The following FAAH2 variants were observed in gnomAD, a reference collection of about 807,000 sequenced individuals.
FAAH2 encodes the protein fatty acid amide hydrolase 2, also known as fatty-acid amide hydrolase 2.
A neutral mutation model predicts 36.9 loss-of-function variants in FAAH2; 60 were observed. The observed-to-expected ratio is 1.63, with a 90% confidence interval of 1.32 to 2.02. The LOEUF is 2.02. FAAH2 is among the 30% of genes most tolerant of loss of function. The pLI is 0.00. For synonymous variants in FAAH2, 214 were observed against 143.8 expected, an observed-to-expected ratio of 1.49 and a Z score of -3.49; for missense variants, 689 against 397.5, an observed-to-expected ratio of 1.73 and a Z score of -6.23.
chrX:57,422,094 C>A (rs898693625), intron 7 of FAAH2, among the ~76,000 whole-genome samples: 1 of 111,344 alleles, frequency 9.0e-6, no homozygotes, highest in Non-Finnish European at 1.9e-5. Context: ...AAAAAACATT[C>A]TTTTAGTCAA....
chrX:57,258,073 G>A, the FAAH2 span, among the ~76,000 whole-genome samples: 22 of 111,798 alleles, frequency 2.0e-4, no homozygotes, highest in African/African-American at 6.8e-4. Flanking sequence ...AATCAAAACA[G>A]CATGGTACTG....
At chrX:57,288,041 G>A (rs2051859751) in intron 1 of FAAH2, among the ~76,000 whole-genome samples, 1 of 111,123 alleles carries the variant, frequency 9.0e-6, no homozygotes, top group African/African-American at 3.3e-5. Context: ...TATTCGGTTG[G>A]TGCAAAAGTA....
chrX:57,253,086 CG>C, the FAAH2 span, among the ~76,000 whole-genome samples: 1 of 111,486 alleles, frequency 9.0e-6, no homozygotes, highest in African/African-American at 3.3e-5. Context: ...CCTGATGGAG[CG>C]GAAAACCACA....
intron 10 of FAAH2, among the ~76,000 whole-genome samples, chrX:57,466,798 T>C (rs2057059116): frequency 9.0e-6 from 1 of 111,592 alleles, no homozygotes; most frequent in African/African-American, 3.3e-5. Context: ...TATAGGGCAG[T>C]GACAGTCTAA....
intron 7 of FAAH2, among the ~76,000 whole-genome samples, chrX:57,413,881 T>G: frequency 1.8e-5 from 2 of 111,882 alleles, no homozygotes; most frequent in East Asian, 5.6e-4. Context: ...CCTCTCTTAT[T>G]TCCTTGAGCA....
chrX:57,381,466 G>A (rs1198540591), intron 7 of FAAH2: 2 of 500,253 alleles, frequency 4.0e-6, no homozygotes, highest in East Asian at 1.8e-4. Flanking sequence ...AGTTCATTTG[G>A]GAAAGAAGAA....
At position 57,341,294 on chromosome X, in the gene FAAH2, G is replaced by A. The variant is rs2053679838; in HGVS notation, c.646G>A (p.Ala216Thr). 8.3e-7 allele frequency: 1 copy of A among 1,208,728 alleles called. No individual in the cohort carries two copies. The highest frequency in any genetic ancestry group is 1.7e-5 in the African/African-American group (1 of 57,691). The change falls in exon 5 of 11, where the codon GCT (alanine) becomes ACT (threonine). Residue 216 changes from alanine to threonine, a missense_variant. Coordinates refer to ENST00000374900, the MANE Select transcript of FAAH2 (RefSeq NM_174912.4). ...SSGGEGCTLA[A>T]ACSVIGVGSD... Reference sequence around the variant, plus strand: ...AGGTGGTGAGGGCTGCACACTGGCAGCTGCCTGCTCAGTTATTGGTGTGGG... The same window carrying A: ...AGGTGGTGAGGGCTGCACACTGGCAACTGCCTGCTCAGTTATTGGTGTGGG...
At chrX:57,266,780 A>G in the FAAH2 span, among the ~76,000 whole-genome samples, 1 of 112,271 alleles carries the variant, frequency 8.9e-6, no homozygotes, top group African/African-American at 3.2e-5. Context: ...AGGCTCCAGG[A>G]GACAAGCAAA....
chrX:57,265,997 C>T, the FAAH2 span, among the ~76,000 whole-genome samples: 1 of 110,664 alleles, frequency 9.0e-6, no homozygotes, highest in South Asian at 3.9e-4. Context: ...AGGGGTGGGC[C>T]GCCATCTTTG....
chrX:57,168,600 C>T, the FAAH2 span, among the ~76,000 whole-genome samples: 3 of 111,696 alleles, frequency 2.7e-5, no homozygotes, highest in Non-Finnish European at 5.6e-5. Flanking sequence ...CTAACACCTG[C>T]CCATCCATTT....
chrX:57,216,556 A>ATATATGTATATG, the FAAH2 span, among the ~76,000 whole-genome samples: 1 of 52,834 alleles, frequency 1.9e-5, no homozygotes, highest in East Asian at 6.0e-4. Flanking sequence ...ATATGTATAT[A>ATATATGTATATG]TATATATACG....
At chrX:57,193,869 TA>T in the FAAH2 span, among the ~76,000 whole-genome samples, 3 of 112,122 alleles carry the variant, frequency 2.7e-5, no homozygotes, top group East Asian at 8.5e-4. Context: ...CAAGAATAAA[TA>T]AGTTAGTTGT....
At chrX:57,222,790 A>G in the FAAH2 span, among the ~76,000 whole-genome samples, 16 of 111,491 alleles carry the variant, frequency 1.4e-4, no homozygotes, top group Non-Finnish European at 1.1e-4. Flanking sequence ...ACACTGTTCA[A>G]ACCTTCCTTA....
At chrX:57,329,759 C>G (rs920735736) in intron 3 of FAAH2, among the ~76,000 whole-genome samples, 1 of 110,641 alleles carries the variant, frequency 9.0e-6, no homozygotes, top group African/African-American at 3.3e-5. Context: ...TCAGGGACCC[C>G]AAACAGAGGG....
intron 5 of FAAH2, among the ~76,000 whole-genome samples, chrX:57,361,760 G>C (rs2147141820): frequency 9.0e-6 from 1 of 111,692 alleles, no homozygotes; most frequent in African/African-American, 3.2e-5. Context: ...GTATTTTGCA[G>C]TCATTGGATA....
At chrX:57,320,995 C>G (rs1363146863) in intron 3 of FAAH2, among the ~76,000 whole-genome samples, 1 of 110,223 alleles carries the variant, frequency 9.1e-6, no homozygotes, top group Admixed American at 9.7e-5. Context: ...AAAAAATTAG[C>G]TGGGTGTGGT....
chrX:57,153,727 A>C, the FAAH2 span, among the ~76,000 whole-genome samples: 1 of 112,310 alleles, frequency 8.9e-6, no homozygotes, highest in African/African-American at 3.2e-5. Context: ...TCTGCTGAGA[A>C]ATTTTCTGTT....
chrX:57,476,803 A>C (rs909639850), intron 10 of FAAH2, among the ~76,000 whole-genome samples: 5 of 109,265 alleles, frequency 4.6e-5, no homozygotes, highest in African/African-American at 1.0e-4. Context: ...TTGACTGTGA[A>C]TCTGTCTGGT....
intron 7 of FAAH2, among the ~76,000 whole-genome samples, chrX:57,405,008 G>A (rs1196373433): frequency 2.7e-5 from 3 of 111,844 alleles, no homozygotes; most frequent in Non-Finnish European, 5.6e-5. Context: ...AAGGGTTGGG[G>A]GTTGTTAGAA....
Sources: gnomAD v4.1 joint callset for allele counts (sites outside exome capture counted in the v4.1 genomes callset) on GRCh38, gnomAD v4.1.1 for gene constraint, MANE v1.5 for transcripts, NCBI Gene and HGNC (gene_info 2026-07-23, HGNC 2026-07-21) for gene names.